NEK11: variants seen among roughly 807,000 people sequenced by gnomAD.
NEK11 encodes NIMA related kinase 11, also known as serine/threonine-protein kinase Nek11.
Under a neutral mutation model 80.7 loss-of-function variants are expected in NEK11, and 72 were observed. The ratio of observed to expected loss-of-function variants is 0.89; its 90% CI spans 0.74 to 1.08. The LOEUF (loss-of-function observed/expected upper bound fraction) is 1.08, where lower values mean the gene tolerates loss of function less well. NEK11 is among the 50% of genes least tolerant of loss of function. The pLI is 0.00. For synonymous variants in NEK11, 251 were observed against 260.7 expected (o/e 0.96, Z 0.36); for missense variants, 764 against 763.6 (o/e 1.00, Z -0.01).
chr3:131,337,977 C>T (rs1014173613), intron 17 of NEK11, among the ~76,000 whole-genome samples: 1 of 152,042 alleles, frequency 6.6e-6, no homozygotes. Context: ...GAGTCTTGCT[C>T]TGTCACCCAG....
rs1296810580 is a variant in NEK11, at chr3:131,328,705, T to TC, written c.1719-20851dup. The stretch of plus-strand genomic sequence containing the variant: ...CATCAGAATGGTGGAAAGTGCTTTT[T>TC]CTCCCTCTCCCTGAAGATAAATTGC... On this transcript the variant is annotated intron_variant, in intron 17 of 17. Transcript: ENST00000383366. 9.9e-5 allele frequency: 15 copies of TC among 152,224 alleles called. No homozygotes were observed. The East Asian group carries it at 2.9e-3, about 29-fold the overall frequency. The allele number at this position is 152,224 out of a possible 1,614,324, so 9.4% of individuals were successfully genotyped here. A position where few individuals can be genotyped will look rare whatever the true frequency, so the allele number is the denominator to read the frequency against.
At chr3:131,286,160 T>G (rs1344885920) in intron 17 of NEK11, among the ~76,000 whole-genome samples, 1 of 152,202 alleles carries the variant, frequency 6.6e-6, no homozygotes, top group Non-Finnish European at 1.5e-5. Context: ...GTTCTGTTAG[T>G]TTTTTCACTA....
chr3:131,233,269 C>A (rs1369848110), intron 15 of NEK11, among the ~76,000 whole-genome samples: 2 of 152,266 alleles, frequency 1.3e-5, no homozygotes, highest in African/African-American at 4.8e-5. Context: ...CCTAACTTCC[C>A]CATAGTGCTT....
chr3:131,350,434 C>T lies in NEK11; in HGVS notation c.*658C>T, dbSNP rs2097432680. ...AAAATAAACATAGTTTTCACAGTTA[C>T]AAAATAAATCACCTATTTTATCTTT... is the stretch of plus-strand genomic sequence containing the variant. On this transcript the variant is annotated 3_prime_UTR_variant, in exon 18 of 18. Coordinates refer to ENST00000383366, the MANE Select transcript of NEK11 (RefSeq NM_024800.5). The T allele has an allele frequency of 6.6e-6, 1 of 152,226 alleles. No individual in the cohort carries two copies. The highest frequency in any genetic ancestry group is 6.5e-5 in the Admixed American group (1 of 15,282). The allele number at this position is 152,226 out of a possible 1,614,324, so 9.4% of individuals were successfully genotyped here. A position where few individuals can be genotyped will look rare whatever the true frequency, so the allele number is the denominator to read the frequency against.
intron 5 of NEK11, among the ~76,000 whole-genome samples, chr3:131,115,989 T>TCTCTTTCTTTCTTTCTTTCTTTCTTTC (rs61508839): frequency 7.0e-6 from 1 of 141,976 alleles, no homozygotes; most frequent in African/African-American, 2.6e-5. Flanking sequence ...TTTCTTTCTT[T>TCTCTTTCTTTCTTTCTTTCTTTCTTTC]ATTATACTTT....
chr3:131,339,455 A>G (rs767103256), intron 17 of NEK11, among the ~76,000 whole-genome samples: 1 of 152,192 alleles, frequency 6.6e-6, no homozygotes, highest in Non-Finnish European at 1.5e-5. Context: ...GCCAGCACTT[A>G]GAGTGTCTAA....
chr3:131,042,410 C>T (rs2066651881), intron 3 of NEK11, among the ~76,000 whole-genome samples: 1 of 152,186 alleles, frequency 6.6e-6, no homozygotes, highest in Non-Finnish European at 1.5e-5. Flanking sequence ...ACCTGGGATG[C>T]TGTTGCTTGG....
At chr3:131,131,283 A>G (rs2084431937) in intron 5 of NEK11, among the ~76,000 whole-genome samples, 1 of 152,274 alleles carries the variant, frequency 6.6e-6, no homozygotes, top group Middle Eastern at 3.4e-3. Flanking sequence ...TCTGAAAGAG[A>G]TTATAGATAT....
intron 3 of NEK11, among the ~76,000 whole-genome samples, chr3:131,043,314 C>T (rs952341031): frequency 2.0e-5 from 3 of 152,260 alleles, no homozygotes; most frequent in East Asian, 1.9e-4. Flanking sequence ...TGAACTCCTC[C>T]GAGCTAAAGG....
intron 17 of NEK11, among the ~76,000 whole-genome samples, chr3:131,281,637 T>C (rs1315546200): frequency 6.6e-6 from 1 of 152,182 alleles, no homozygotes; most frequent in East Asian, 1.9e-4. Flanking sequence ...AGAAGTGAGA[T>C]TGCTTAGTTA....
chr3:131,310,707 G>GA (rs942980982), intron 17 of NEK11, among the ~76,000 whole-genome samples: 66 of 152,010 alleles, frequency 4.3e-4, no homozygotes, highest in Admixed American at 2.3e-3. Context: ...AACATCTGCA[G>GA]AAAAAAAATA....
chr3:131,113,407 C>T (rs1356995870), intron 5 of NEK11, among the ~76,000 whole-genome samples: 2 of 151,962 alleles, frequency 1.3e-5, no homozygotes, highest in African/African-American at 4.8e-5. Flanking sequence ...GAAACAAAGA[C>T]TAGGGTACAA....
At chr3:131,136,714 T>C (rs1010645591) in intron 7 of NEK11, among the ~76,000 whole-genome samples, 2 of 152,242 alleles carry the variant, frequency 1.3e-5, no homozygotes, top group South Asian at 2.1e-4. Flanking sequence ...TCCAAAAGTT[T>C]ATAAAGTTAT....
At chr3:131,292,409 T>C (rs1047899845) in intron 17 of NEK11, among the ~76,000 whole-genome samples, 4 of 152,230 alleles carry the variant, frequency 2.6e-5, no homozygotes, top group Non-Finnish European at 4.4e-5. Context: ...TTTTTACCTC[T>C]CCATATAAAC....
chr3:131,273,365 C>A, intron 16 of NEK11, 113 bp from the exon 17 acceptor site: 2 of 687,404 alleles, frequency 2.9e-6, no homozygotes, highest in Non-Finnish European at 5.3e-6. Context: ...ATTAATGTAG[C>A]ATTACCATGT....
chr3:131,206,123 C>T (rs765055619), intron 14 of NEK11, among the ~76,000 whole-genome samples: 1 of 152,160 alleles, frequency 6.6e-6, no homozygotes, highest in African/African-American at 2.4e-5. Flanking sequence ...GGCACCACAC[C>T]GTAACGTGAC....
chr3:131,175,932 C>A (rs994681445), intron 14 of NEK11, among the ~76,000 whole-genome samples: 4 of 152,152 alleles, frequency 2.6e-5, no homozygotes, highest in Non-Finnish European at 5.9e-5. Context: ...GACACAAACT[C>A]CTTAATCCAG....
At chr3:131,251,073 G>A (rs1294344069) in intron 16 of NEK11, among the ~76,000 whole-genome samples, 2 of 151,420 alleles carry the variant, frequency 1.3e-5, no homozygotes, top group East Asian at 1.9e-4. Flanking sequence ...ATAACAGAGA[G>A]AGGAAAGAAA....
chr3:131,104,466 G>A (rs1003403309), intron 4 of NEK11, among the ~76,000 whole-genome samples: 1 of 152,172 alleles, frequency 6.6e-6, no homozygotes, highest in South Asian at 2.1e-4. Context: ...CCCAGCCTGA[G>A]GACAGCAGGG....
Sources: gnomAD v4.1 joint callset for allele counts (sites outside exome capture counted in the v4.1 genomes callset) on GRCh38, gnomAD v4.1.1 for gene constraint, MANE v1.5 for transcripts, NCBI Gene and HGNC (gene_info 2026-07-23, HGNC 2026-07-21) for gene names.